KCTD1: variants seen among roughly 807,000 people sequenced by gnomAD.
KCTD1 encodes potassium channel tetramerization domain containing 1, also known as BTB/POZ domain-containing protein KCTD1.
Under a neutral mutation model 66.0 loss-of-function variants are expected in KCTD1, and 24 were observed. That is an observed-to-expected ratio of 0.36 (90% confidence interval 0.26 to 0.51). The LOEUF (loss-of-function observed/expected upper bound fraction) is 0.51, where lower values mean the gene tolerates loss of function less well. KCTD1 is among the 20% of genes least tolerant of loss of function. The pLI is 0.95. For missense variants in KCTD1, 943 were observed against 1,205.2 expected, an observed-to-expected ratio of 0.78 and a Z score of 3.22; for synonymous variants, 511 against 517.2, an observed-to-expected ratio of 0.99 and a Z score of 0.16.
chr18:26,610,702 A>G (rs534262080), intron 1 of KCTD1, among the ~76,000 whole-genome samples: 1 of 151,386 alleles, frequency 6.6e-6, no homozygotes, highest in East Asian at 1.9e-4. Flanking sequence ...AAGAGAAAGA[A>G]AGAAAGAGAA....
chr18:26,649,498 A>G (rs1987988870), intron 1 of KCTD1, among the ~76,000 whole-genome samples: 2 of 151,884 alleles, frequency 1.3e-5, no homozygotes, highest in South Asian at 4.2e-4. Context: ...GAGCAAAGAC[A>G]GCTTTTTTGT....
intron 1 of KCTD1, among the ~76,000 whole-genome samples, chr18:26,602,851 T>C (rs964035407): frequency 6.6e-6 from 1 of 152,200 alleles, no homozygotes; most frequent in Non-Finnish European, 1.5e-5. Flanking sequence ...ATGAGAATAG[T>C]AGTTTATTTC....
intron 1 of KCTD1, among the ~76,000 whole-genome samples, chr18:26,579,077 C>A (rs1986293699): frequency 6.6e-6 from 1 of 151,942 alleles, no homozygotes; most frequent in South Asian, 2.1e-4. Flanking sequence ...ATACTGGATG[C>A]ATATACAAGA....
chr18:26,575,988 G>A (rs1986216626), intron 1 of KCTD1, among the ~76,000 whole-genome samples: 3 of 152,206 alleles, frequency 2.0e-5, no homozygotes, highest in African/African-American at 7.2e-5. Flanking sequence ...GGACGTGTAA[G>A]TAAATACATA....
intron 1 of KCTD1, among the ~76,000 whole-genome samples, chr18:26,510,732 T>TAA (rs1983289544): frequency 6.6e-6 from 1 of 152,370 alleles, no homozygotes; most frequent in Non-Finnish European, 1.5e-5. Context: ...GCATGTTTTT[T>TAA]TAAATTAGAT....
chr18:26,651,783 CAA>C (rs397858862), intron 1 of KCTD1, among the ~76,000 whole-genome samples: 13 of 75,254 alleles, frequency 1.7e-4, no homozygotes, highest in South Asian at 5.2e-4. Flanking sequence ...AACTCGGTCT[CAA>C]AAAAAAAAAA....
At chr18:26,656,682 G>A (rs1462116933) in intron 1 of KCTD1, among the ~76,000 whole-genome samples, 8 of 151,424 alleles carry the variant, frequency 5.3e-5, no homozygotes, top group African/African-American at 1.9e-4. Flanking sequence ...GGGCGTCCGG[G>A]GGCGCCGCCG....
At chr18:26,641,829 T>C (rs986643867), upstream of KCTD1, among the ~76,000 whole-genome samples, 2 of 152,174 alleles carry the variant, frequency 1.3e-5, no homozygotes, top group Non-Finnish European at 2.9e-5. Flanking sequence ...CATTTCACCT[T>C]GGGTTCCTTC....
intron 2 of KCTD1, among the ~76,000 whole-genome samples, chr18:26,477,572 A>G (rs995022516): frequency 1.3e-5 from 2 of 152,200 alleles, no homozygotes; most frequent in Non-Finnish European, 2.9e-5. Context: ...CTGATTTGGA[A>G]CAATATCATT....
intron 2 of KCTD1, chr18:26,477,009 G>T: frequency 5.5e-6 from 1 of 180,240 alleles, no homozygotes; most frequent in Non-Finnish European, 1.1e-5. Context: ...AAATGTTATT[G>T]CTCCAAAGCA....
chr18:26,617,711 T>C (rs1987285066), intron 1 of KCTD1, among the ~76,000 whole-genome samples: 1 of 152,118 alleles, frequency 6.6e-6, no homozygotes, highest in African/African-American at 2.4e-5. Context: ...TTGGTTATAA[T>C]TGAACCAAAA....
At chr18:26,528,079 C>T (rs1436704062) in intron 1 of KCTD1, among the ~76,000 whole-genome samples, 1 of 152,144 alleles carries the variant, frequency 6.6e-6, no homozygotes, top group East Asian at 1.9e-4. Context: ...CAGAATGGAA[C>T]TCATTGGTTC....
At chr18:26,599,267 T>G (rs544008944) in intron 1 of KCTD1, 1 of 681,294 alleles carries the variant, frequency 1.5e-6, no homozygotes, top group African/African-American at 1.8e-5. Flanking sequence ...TTGAAAAGAC[T>G]ATTCCTTCTC....
chr18:26,494,023 G>C (rs1424214116), intron 2 of KCTD1, among the ~76,000 whole-genome samples: 1 of 152,164 alleles, frequency 6.6e-6, no homozygotes, highest in Non-Finnish European at 1.5e-5. Flanking sequence ...GACTTTTGTT[G>C]GTAACTATTT....
chr18:26,507,523 C>T (rs937677569), intron 1 of KCTD1, among the ~76,000 whole-genome samples: 1 of 152,048 alleles, frequency 6.6e-6, no homozygotes, highest in East Asian at 1.9e-4. Context: ...GTGTGTGCCA[C>T]CACACTTGGC....
intron 1 of KCTD1, among the ~76,000 whole-genome samples, chr18:26,509,337 A>C (rs1024539566): frequency 6.6e-6 from 1 of 152,118 alleles, no homozygotes; most frequent in African/African-American, 2.4e-5. Flanking sequence ...TATTCACAGG[A>C]GCCCCCTTCA....
At chr18:26,537,824 C>G (rs1984780150) in intron 1 of KCTD1, among the ~76,000 whole-genome samples, 1 of 152,180 alleles carries the variant, frequency 6.6e-6, no homozygotes, top group African/African-American at 2.4e-5. Flanking sequence ...AAAATTTAAT[C>G]TCTTTTGAAA....
chr18:26,487,539 T>C (rs1981980513), intron 2 of KCTD1, among the ~76,000 whole-genome samples: 1 of 152,176 alleles, frequency 6.6e-6, no homozygotes, highest in Non-Finnish European at 1.5e-5. Context: ...AGCCACCAAA[T>C]CAAAATGACA....
At chr18:26,655,455 C>G (rs7506341) in intron 1 of KCTD1, among the ~76,000 whole-genome samples, 2 of 141,064 alleles carry the variant, frequency 1.4e-5, no homozygotes, top group Non-Finnish European at 3.2e-5. Flanking sequence ...CACACACAGA[C>G]ACACACACGC....
Sources: gnomAD v4.1 joint callset for allele counts (sites outside exome capture counted in the v4.1 genomes callset) on GRCh38, gnomAD v4.1.1 for gene constraint, MANE v1.5 for transcripts, NCBI Gene and HGNC (gene_info 2026-07-23, HGNC 2026-07-21) for gene names.